The following IFIT1B variants were observed in gnomAD, a reference collection of about 807,000 sequenced individuals.
The protein encoded by IFIT1B is interferon induced protein with tetratricopeptide repeats 1B.
IFIT1B carries 3 observed loss-of-function variants against 2.5 expected under a neutral mutation model. The ratio of observed to expected loss-of-function variants is 1.21; its 90% CI spans 0.55 to 3.14. IFIT1B has a LOEUF of 3.14. IFIT1B is among the 30% of genes most tolerant of loss of function. The probability of loss-of-function intolerance (pLI) is 0.03; values close to 1 mark genes in which losing one functional copy is unlikely to be tolerated. For missense variants in IFIT1B, 545 were observed against 556.5 expected (o/e 0.98, Z 0.21); for synonymous variants, 196 against 203.0 (o/e 0.97, Z 0.29).
At position 89,384,900 on chromosome 10, in the gene IFIT1B, T is replaced by C; in HGVS notation, c.*162T>C. The C allele has an allele frequency of 5.0e-6, 3 of 597,934 alleles. No individual in the cohort carries two copies. In the East Asian group the frequency reaches 8.4e-5, roughly 17 times the overall value. The allele number at this position is 597,934 out of a possible 1,614,324, so 37.0% of individuals were successfully genotyped here. On this transcript the variant is annotated 3_prime_UTR_variant, in exon 2 of 2. Coordinates refer to ENST00000371809, the MANE Select transcript of IFIT1B (RefSeq NM_001010987.2). The stretch of plus-strand genomic sequence containing the variant: ...TTATGTAGCATGCAACTGCAACTTC[T>C]GCTTTTTCCTGTAAATGATCAGGAA...
intron 1 of IFIT1B, 137 bp downstream of exon 1, chr10:89,378,277 C>T: frequency 1.3e-6 from 1 of 793,624 alleles, no homozygotes; most frequent in Admixed American, 2.0e-5. Flanking sequence ...GATAGGCACC[C>T]TCAACATGAT....
At position 89,385,130 on chromosome 10, in the gene IFIT1B, C is replaced by T. The variant is rs901408805; in HGVS notation, c.*392C>T. 6.0e-6 allele frequency: 1 copy of T among 165,692 alleles called. No homozygotes were observed. The highest frequency in any genetic ancestry group is 1.3e-5 in the Non-Finnish European group (1 of 76,064). 10.3% of individuals were successfully genotyped at this position (165,692 alleles called of 1,614,324 possible). A position where few individuals can be genotyped will look rare whatever the true frequency, so the allele number is the denominator to read the frequency against. On this transcript the variant is annotated 3_prime_UTR_variant, in exon 2 of 2. Coordinates refer to ENST00000371809, the MANE Select transcript of IFIT1B (RefSeq NM_001010987.2). The stretch of plus-strand genomic sequence containing the variant: ...CTTCCCCATTTTGGAATGCTGACTC[C>T]AGTCATTAGGTGTCTGTATTTCCTG...
chr10:89,383,481 C>T lies in IFIT1B; in HGVS notation c.168C>T (p.Asn56=). ...CCAAATACAATGTGGGAATACACAACCTACTAGCCTATGTGAAACACCTGA... is the reference window on the plus strand; with the variant it reads ...CCAAATACAATGTGGGAATACACAATCTACTAGCCTATGTGAAACACCTGA... ...LDTKYNVGIH[N]LLAYVKHLKG... is the part of the protein sequence containing the mutation. Residue 56 remains asparagine (N), a synonymous_variant, in exon 2 of 2, where the codon AAC becomes AAT. Coordinates refer to ENST00000371809, the MANE Select transcript of IFIT1B (RefSeq NM_001010987.2). 6.2e-7 allele frequency: 1 copy of T among 1,614,168 alleles called. No homozygotes were observed. The highest frequency in any genetic ancestry group is 8.5e-7 in the Non-Finnish European group (1 of 1,180,032).
chr10:89,384,145 T>G lies in IFIT1B; in HGVS notation c.832T>G (p.Leu278Val), dbSNP rs757447998. Residue 278 changes from leucine (L) to valine (V), a missense_variant, in exon 2 of 2, where the codon TTG (leucine) becomes GTG (valine). Transcript: ENST00000371809. Reference protein sequence around the residue: ...DKALELLKMALETTPTSAFLH... With the variant: ...DKALELLKMAVETTPTSAFLH... ...AGCTCTTGAGCTCTTAAAAATGGCC[T>G]TGGAGACAACACCCACTTCTGCCTT... 21 of 1,614,080 alleles carry G rather than the reference T, an allele frequency of 1.3e-5. No individual in the cohort carries two copies. In the East Asian group the frequency reaches 4.5e-4, roughly 34 times the overall value.
chr10:89,384,065 C>T lies in IFIT1B; in HGVS notation c.752C>T (p.Ala251Val), dbSNP rs1277302452. The change falls in exon 2 of 2, where the codon GCC (alanine) becomes GTC (valine). Residue 251 changes from alanine to valine, a missense_variant. Transcript: ENST00000371809. ...GCTCTGACCAGTATATCTTCACAGG[C>T]CTATGTCTTTCAATATGCAGCCAAG... ...EEALTSISSQ[A>V]YVFQYAAKFY... is the part of the protein sequence containing the mutation. 3 of 1,614,040 alleles carry T rather than the reference C, an allele frequency of 1.9e-6. No homozygotes were observed. The highest frequency in any genetic ancestry group is 2.5e-6 in the Non-Finnish European group (3 of 1,180,042).
intron 1 of IFIT1B, among the ~76,000 whole-genome samples, chr10:89,379,313 C>T (rs304506): frequency 0.17 from 26,451 of 152,108 alleles, 2,973 homozygotes; most frequent in East Asian, 0.46. Flanking sequence ...CCTAAACCTG[C>T]TGACTCAGAA....
rs371267850 is a variant in IFIT1B, at chr10:89,384,600, T to C, written c.1287T>C (p.Cys429=). The change falls in exon 2 of 2, where the codon TGT becomes TGC. Residue 429 remains cysteine, a synonymous_variant. Coordinates refer to ENST00000371809, the MANE Select transcript of IFIT1B (RefSeq NM_001010987.2). ...CTTTAGAGAAATTGGCTAAAAGATG[T>C]ATTCACCAGAATGTACGGGTTGTGG... ...LNALEKLAKR[C]IHQNVRVVES... 6.2e-7 allele frequency: 1 copy of C among 1,614,056 alleles called. No individual in the cohort carries two copies. Among genetic ancestry groups the C allele is most frequent in the African/African-American group, 1.3e-5 (1 of 74,942 alleles).
chr10:89,383,465 A>T lies in IFIT1B; in HGVS notation c.152A>T (p.Asn51Ile). 1 of 1,614,220 alleles carries T rather than the reference A, an allele frequency of 6.2e-7. No individual in the cohort carries two copies. The highest frequency in any genetic ancestry group is 2.2e-5 in the East Asian group (1 of 44,888). The stretch of plus-strand genomic sequence containing the variant: ...ATTCAGTTCCTGGACACCAAATACA[A>T]TGTGGGAATACACAACCTACTAGCC... ...EEIQFLDTKY[N>I]VGIHNLLAYV... The change falls in exon 2 of 2, where the codon AAT becomes ATT. Residue 51 changes from asparagine (N) to isoleucine (I), a missense_variant. Coordinates refer to ENST00000371809, the MANE Select transcript of IFIT1B (RefSeq NM_001010987.2).
chr10:89,382,898 T>A (rs1811673348), intron 1 of IFIT1B, among the ~76,000 whole-genome samples: 2 of 152,340 alleles, frequency 1.3e-5, no homozygotes, highest in South Asian at 4.1e-4. Context: ...GTTTACGTGT[T>A]GAGAACATGA....
Position 89,383,956 on chromosome 10 carries a change from G to A in IFIT1B, c.643G>A (p.Asp215Asn), listed in dbSNP as rs748260211. 6.2e-7 allele frequency: 1 copy of A among 1,614,222 alleles called. No homozygotes were observed. Among genetic ancestry groups the A allele is most frequent in the Non-Finnish European group, 8.5e-7 (1 of 1,180,048 alleles). ...AAAACGAGCTGTCAGGCTAAATCCA[G>A]ATGATGTATATATTAGGGTTCTCCT... ...VLKRAVRLNP[D>N]DVYIRVLLAL... The change falls in exon 2 of 2, where the codon GAT becomes AAT. Residue 215 changes from aspartate (D) to asparagine (N), a missense_variant. Transcript: ENST00000371809.
chr10:89,378,486 AG>A (rs1420168564), intron 1 of IFIT1B, among the ~76,000 whole-genome samples: 2 of 152,140 alleles, frequency 1.3e-5, no homozygotes, highest in African/African-American at 4.8e-5. Flanking sequence ...CTATAGCTGT[AG>A]GGGAGGGGCT....
intron 1 of IFIT1B, among the ~76,000 whole-genome samples, chr10:89,378,481 G>A (rs921593934): frequency 1.3e-5 from 2 of 152,136 alleles, no homozygotes; most frequent in Non-Finnish European, 2.9e-5. Flanking sequence ...CTAAGCTATA[G>A]CTGTAGGGGA....
chr10:89,380,726 C>T (rs1274020311), intron 1 of IFIT1B, among the ~76,000 whole-genome samples: 1 of 152,180 alleles, frequency 6.6e-6, no homozygotes, highest in Admixed American at 6.5e-5. Flanking sequence ...AGCCACCACG[C>T]TGGGGCCTAA....
chr10:89,381,677 G>A (rs1397023390), intron 1 of IFIT1B, among the ~76,000 whole-genome samples: 1 of 152,168 alleles, frequency 6.6e-6, no homozygotes. Flanking sequence ...TGCCAGCTGT[G>A]CTCAAAGCAG....
At chr10:89,379,741 G>A (rs1844148395) in intron 1 of IFIT1B, among the ~76,000 whole-genome samples, 1 of 152,110 alleles carries the variant, frequency 6.6e-6, no homozygotes, top group Non-Finnish European at 1.5e-5. Context: ...CTGGTCATAA[G>A]ATGTTAGTTG....
Position 89,383,966 on chromosome 10 carries a change from A to G in IFIT1B, c.653A>G (p.Tyr218Cys). ...GTCAGGCTAAATCCAGATGATGTAT[A>G]TATTAGGGTTCTCCTTGCCCTGAAG... is the stretch of plus-strand genomic sequence containing the variant. ...RAVRLNPDDV[Y>C]IRVLLALKLQ... The change falls in exon 2 of 2, where the codon TAT (tyrosine) becomes TGT (cysteine). Residue 218 changes from tyrosine to cysteine, a missense_variant. Transcript: ENST00000371809. The G allele has an allele frequency of 1.9e-6, 3 of 1,614,210 alleles. No homozygotes were observed. Among genetic ancestry groups the G allele is most frequent in the Non-Finnish European group, 2.5e-6 (3 of 1,180,020 alleles).
At chr10:89,379,932 G>A (rs1251697936) in intron 1 of IFIT1B, among the ~76,000 whole-genome samples, 1 of 152,056 alleles carries the variant, frequency 6.6e-6, no homozygotes, top group Non-Finnish European at 1.5e-5. Flanking sequence ...CTACTCAGGA[G>A]GCTGAGGCAG....
chr10:89,380,902 T>G (rs1844157812), intron 1 of IFIT1B, among the ~76,000 whole-genome samples: 2 of 152,190 alleles, frequency 1.3e-5, no homozygotes, highest in Non-Finnish European at 2.9e-5. Context: ...AGATACATGT[T>G]GATGAACAAC....
chr10:89,382,893 C>T (rs1013079305), intron 1 of IFIT1B, among the ~76,000 whole-genome samples: 44 of 152,310 alleles, frequency 2.9e-4, no homozygotes, highest in African/African-American at 1.0e-3. Flanking sequence ...AATGTGTTTA[C>T]GTGTTGAGAA....
Sources: gnomAD v4.1 joint callset for allele counts (sites outside exome capture counted in the v4.1 genomes callset) on GRCh38, gnomAD v4.1.1 for gene constraint, MANE v1.5 for transcripts, NCBI Gene and HGNC (gene_info 2026-07-23, HGNC 2026-07-21) for gene names.